PPP2R2C: variants seen among roughly 807,000 people sequenced by gnomAD.
PPP2R2C encodes protein phosphatase 2 regulatory subunit Bgamma.
A neutral mutation model predicts 45.3 loss-of-function variants in PPP2R2C; 10 were observed. The observed-to-expected ratio is 0.22, with a 90% CI of 0.14 to 0.37. The LOEUF (loss-of-function observed/expected upper bound fraction) is 0.37. Ranked by LOEUF, PPP2R2C falls within the 10% of genes least tolerant of loss-of-function variation. The pLI is 1.00. For missense variants in PPP2R2C, 308 were observed against 619.7 expected, an observed-to-expected ratio of 0.50 and a Z score of 5.34; for synonymous variants, 257 against 245.4, an observed-to-expected ratio of 1.05 and a Z score of -0.44.
At chr4:6,512,278 G>A (rs375624958) in intron 2 of PPP2R2C, among the ~76,000 whole-genome samples, 5 of 52,272 alleles carry the variant, frequency 9.6e-5, no homozygotes, top group Admixed American at 1.9e-4. Flanking sequence ...GATGGTGGGG[G>A]TGGTGGTGAT....
At chr4:6,392,098 A>G (rs192590540) in intron 1 of PPP2R2C, among the ~76,000 whole-genome samples, 169 of 152,354 alleles carry the variant, frequency 1.1e-3, no homozygotes, top group Non-Finnish European at 7.2e-4. Context: ...TCTGTCTGGG[A>G]TGATGAGAAA....
intron 1 of PPP2R2C, among the ~76,000 whole-genome samples, chr4:6,422,014 T>C (rs1719009677): frequency 6.6e-6 from 1 of 151,834 alleles, no homozygotes; most frequent in East Asian, 1.9e-4. Flanking sequence ...AACCGAATCA[T>C]GCCCCTGAGA....
chr4:6,555,995 G>C (rs1215074080), intron 1 of PPP2R2C, among the ~76,000 whole-genome samples: 1 of 152,124 alleles, frequency 6.6e-6, no homozygotes, highest in Non-Finnish European at 1.5e-5. Context: ...GCCCAAGAGT[G>C]AGCCCTGGGG....
At chr4:6,410,456 C>T (rs1317897557) in intron 1 of PPP2R2C, among the ~76,000 whole-genome samples, 3 of 152,294 alleles carry the variant, frequency 2.0e-5, no homozygotes, top group Admixed American at 2.0e-4. Flanking sequence ...GCAGAGACCC[C>T]ATGCACCCAC....
chr4:6,350,598 G>A (rs1287494908), intron 5 of PPP2R2C: 6 of 985,272 alleles, frequency 6.1e-6, no homozygotes, highest in Non-Finnish European at 7.2e-6. Context: ...CGCAGTGGGT[G>A]CAGGAGGACT....
At chr4:6,451,963 C>T (rs892089003) in intron 1 of PPP2R2C, among the ~76,000 whole-genome samples, 4 of 152,158 alleles carry the variant, frequency 2.6e-5, no homozygotes, top group Admixed American at 2.0e-4. Context: ...GGGATGCCCT[C>T]ACCTGCTCCA....
intron 2 of PPP2R2C, among the ~76,000 whole-genome samples, chr4:6,522,168 C>G (rs1724048215): frequency 1.3e-5 from 2 of 152,232 alleles, no homozygotes; most frequent in African/African-American, 4.8e-5. Flanking sequence ...TTTCCTGGTC[C>G]CTTGGCCTGG....
At chr4:6,385,628 G>A (rs1016773408) in intron 1 of PPP2R2C, among the ~76,000 whole-genome samples, 5 of 151,950 alleles carry the variant, frequency 3.3e-5, no homozygotes, top group African/African-American at 7.3e-5. Flanking sequence ...GGAGTGCAGC[G>A]GTGCAATCTT....
chr4:6,419,434 G>GAAAGA (rs201596450), intron 1 of PPP2R2C, among the ~76,000 whole-genome samples: 5 of 141,116 alleles, frequency 3.5e-5, no homozygotes, highest in African/African-American at 5.0e-5. Flanking sequence ...TCTAAAAAAA[G>GAAAGA]AAAGAAAAGA....
intron 1 of PPP2R2C, among the ~76,000 whole-genome samples, chr4:6,425,285 T>C (rs1719222328): frequency 6.6e-6 from 1 of 152,120 alleles, no homozygotes; most frequent in Non-Finnish European, 1.5e-5. Context: ...ACACGTCCAG[T>C]GTGAGCATCA....
chr4:6,512,731 A>G (rs1346952968), intron 2 of PPP2R2C, among the ~76,000 whole-genome samples: 6 of 151,780 alleles, frequency 4.0e-5, no homozygotes, highest in Admixed American at 2.0e-4. Flanking sequence ...AATGATGCCA[A>G]TGGTGGCAGT....
chr4:6,326,782 G>T (rs907156979), intron 8 of PPP2R2C, among the ~76,000 whole-genome samples: 7 of 152,222 alleles, frequency 4.6e-5, no homozygotes, highest in Non-Finnish European at 1.0e-4. Context: ...TCCACAGCAC[G>T]CTGCCCATCT....
At chr4:6,537,750 C>A (rs913024526) in intron 1 of PPP2R2C, among the ~76,000 whole-genome samples, 7 of 152,062 alleles carry the variant, frequency 4.6e-5, no homozygotes, top group Admixed American at 1.3e-4. Context: ...CGGGGTTTCA[C>A]TATGTTAGCC....
At chr4:6,325,636 G>A (rs1321999676) in intron 8 of PPP2R2C, among the ~76,000 whole-genome samples, 5 of 152,316 alleles carry the variant, frequency 3.3e-5, no homozygotes, top group South Asian at 2.1e-4. Context: ...CCCCCTGTTC[G>A]GGTGTGGAAT....
intron 2 of PPP2R2C, among the ~76,000 whole-genome samples, chr4:6,506,410 C>T (rs886618066): frequency 1.3e-5 from 2 of 152,172 alleles, no homozygotes; most frequent in East Asian, 1.9e-4. Context: ...AGAAAACAAA[C>T]GTCACGTGGA....
At chr4:6,360,786 G>T (rs1019360172) in intron 5 of PPP2R2C, among the ~76,000 whole-genome samples, 1 of 152,200 alleles carries the variant, frequency 6.6e-6, no homozygotes, top group Non-Finnish European at 1.5e-5. Flanking sequence ...AGACCGAGTG[G>T]CTTAAACAGT....
chr4:6,507,912 C>A (rs1418152320), intron 2 of PPP2R2C, among the ~76,000 whole-genome samples: 1 of 152,136 alleles, frequency 6.6e-6, no homozygotes, highest in Non-Finnish European at 1.5e-5. Flanking sequence ...GCTGAAATAC[C>A]TTTCAGCTCT....
upstream of PPP2R2C, among the ~76,000 whole-genome samples, chr4:6,473,842 G>A (rs560795791): frequency 1.1e-4 from 17 of 152,308 alleles, no homozygotes; most frequent in South Asian, 4.1e-4. Flanking sequence ...TACAGCTTTC[G>A]TGCCTTTGAA....
chr4:6,512,242 G>T (rs199655728), intron 2 of PPP2R2C, among the ~76,000 whole-genome samples: 100 of 55,026 alleles, frequency 1.8e-3, no homozygotes, highest in African/African-American at 3.9e-3. Context: ...GATGGTGGGG[G>T]TGGTGGTGGT....
Sources: gnomAD v4.1 joint callset for allele counts (sites outside exome capture counted in the v4.1 genomes callset) on GRCh38, gnomAD v4.1.1 for gene constraint, MANE v1.5 for transcripts, NCBI Gene and HGNC (gene_info 2026-07-23, HGNC 2026-07-21) for gene names.